The following CAMTA1 variants were observed in gnomAD, a reference collection of about 807,000 sequenced individuals.
The protein encoded by CAMTA1 is calmodulin binding transcription activator 1, also known as calmodulin-binding transcription activator 1.
CAMTA1 carries 27 observed loss-of-function variants against 170.9 expected under a neutral mutation model. That is an observed-to-expected ratio of 0.16 (90% confidence interval 0.12 to 0.22). The LOEUF (loss-of-function observed/expected upper bound fraction) is 0.22, where lower values mean the gene tolerates loss of function less well. Ranked by LOEUF, CAMTA1 falls within the 10% of genes least tolerant of loss-of-function variation. The pLI is 1.00. For missense variants in CAMTA1, 1,619 were observed against 2,217.2 expected, an observed-to-expected ratio of 0.73 and a Z score of 5.42; for synonymous variants, 833 against 891.5, an observed-to-expected ratio of 0.93 and a Z score of 1.17.
Position 7,499,904 on chromosome 1 carries a change from TGA to T in CAMTA1, c.510+32005_510+32006del, listed in dbSNP as rs774738207. On this transcript the variant is annotated intron_variant, in intron 6 of 22. Transcript: ENST00000303635. Reference sequence around the variant, plus strand: ...AGCCTGGTGTGCATGCTTATGTATATGAGTGTGTGTGTGCATGAGTGAGTGTG... The same window carrying T: ...AGCCTGGTGTGCATGCTTATGTATATGTGTGTGTGTGCATGAGTGAGTGTG... 2.8e-4 allele frequency among the ~76,000 whole-genome samples: 41 copies of T among 145,760 alleles called. 2 individuals carry two copies. The highest frequency in any genetic ancestry group is 4.8e-4 in the Non-Finnish European group (32 of 66,704).
At chr1:6,952,813 G>A (rs1571992464) in intron 3 of CAMTA1, among the ~76,000 whole-genome samples, 1 of 152,112 alleles carries the variant, frequency 6.6e-6, no homozygotes, top group African/African-American at 2.4e-5. Context: ...CAGCCTGGGC[G>A]ACAAAGCAAG....
intron 3 of CAMTA1, among the ~76,000 whole-genome samples, chr1:6,914,443 T>C (rs1249510242): frequency 6.6e-6 from 1 of 152,216 alleles, no homozygotes; most frequent in Non-Finnish European, 1.5e-5. Context: ...GCACTTGATA[T>C]ATTTAACAGA....
Position 7,682,563 on chromosome 1 carries a change from C to A in CAMTA1, c.2914+4830C>A, listed in dbSNP as rs1214941458. Among the ~76,000 whole-genome samples, 1 of 152,240 alleles carries A rather than the reference C, an allele frequency of 6.6e-6. No individual in the cohort carries two copies. Among genetic ancestry groups the A allele is most frequent in the Admixed American group, 6.5e-5 (1 of 15,290 alleles). The stretch of plus-strand genomic sequence containing the variant: ...CCTGTCCCTGGCATGTGGCTGTGGT[C>A]CTGCTGGCCTTTCCTTGTGGGCTGA... On this transcript the variant is annotated intron_variant, in intron 11 of 22. Transcript: ENST00000303635. This position sits in a 1 kb window ranked among gnomAD's most constrained non-coding sequence, Gnocchi z 5.0.
intron 6 of CAMTA1, among the ~76,000 whole-genome samples, chr1:7,488,114 C>T (rs1222546731): frequency 2.6e-5 from 4 of 152,326 alleles, no homozygotes. Flanking sequence ...TCTCTAGAAT[C>T]TCTCTAAAAT....
At chr1:6,833,935 C>G (rs1310503857) in intron 3 of CAMTA1, among the ~76,000 whole-genome samples, 1 of 152,204 alleles carries the variant, frequency 6.6e-6, no homozygotes, top group Non-Finnish European at 1.5e-5. Context: ...GGGTGCAGAG[C>G]TGGTGTCAGA....
intron 4 of CAMTA1, among the ~76,000 whole-genome samples, chr1:7,177,831 A>T (rs1214237169): frequency 6.6e-6 from 1 of 150,554 alleles, no homozygotes; most frequent in Non-Finnish European, 1.5e-5. Context: ...CTTGCCACAC[A>T]CAGAGGCTCC....
chr1:7,257,316 C>T (rs1268989235), intron 5 of CAMTA1, among the ~76,000 whole-genome samples: 1 of 152,198 alleles, frequency 6.6e-6, no homozygotes, highest in African/African-American at 2.4e-5. Context: ...ATTTCATCCA[C>T]GGTCTGCAAG....
rs1210515129 is a variant in CAMTA1 at position 7,041,279 on chromosome 1, C to T, written c.235-50025C>T. ...CTTCTCGGCTTCCTCTGCAGAGGGGCTCAGAGCCAGTCCAGTCAGACCTGC... is the reference window on the plus strand; with the variant it reads ...CTTCTCGGCTTCCTCTGCAGAGGGGTTCAGAGCCAGTCCAGTCAGACCTGC... On this transcript the variant is annotated intron_variant, in intron 3 of 22. Coordinates refer to ENST00000303635, the MANE Select transcript of CAMTA1 (RefSeq NM_015215.4). This position sits in a 1 kb window ranked among gnomAD's most constrained non-coding sequence, Gnocchi z 5.1. Among the ~76,000 whole-genome samples the T allele has an allele frequency of 6.6e-6, 1 of 152,218 alleles. No homozygotes were observed. The highest frequency in any genetic ancestry group is 1.5e-5 in the Non-Finnish European group (1 of 68,036).
chr1:6,793,062 C>G (rs1056734011), intron 1 of CAMTA1, among the ~76,000 whole-genome samples: 1 of 151,470 alleles, frequency 6.6e-6, no homozygotes, highest in Non-Finnish European at 1.5e-5. Context: ...ATATATATAC[C>G]CCACTCTTAT....
intron 3 of CAMTA1, among the ~76,000 whole-genome samples, chr1:6,852,185 C>T (rs972244827): frequency 1.3e-5 from 2 of 152,064 alleles, no homozygotes; most frequent in Non-Finnish European, 2.9e-5. Context: ...GAATGTTATA[C>T]CCTTCAAAAG....
At chr1:6,823,933 TTAGAGA>T (rs750017273) in intron 2 of CAMTA1, among the ~76,000 whole-genome samples, 3 of 152,150 alleles carry the variant, frequency 2.0e-5, no homozygotes, top group Non-Finnish European at 4.4e-5. Flanking sequence ...TGGAGAAGAA[TTAGAGA>T]TAATCTAATC....
At chr1:7,398,738 C>T (rs994770706) in intron 5 of CAMTA1, among the ~76,000 whole-genome samples, 1 of 151,560 alleles carries the variant, frequency 6.6e-6, no homozygotes, top group Non-Finnish European at 1.5e-5. Context: ...TATTGTTTAC[C>T]TTTGAGGTTT....
chr1:7,308,190 A>C (rs1227173697), intron 5 of CAMTA1, among the ~76,000 whole-genome samples: 1 of 151,722 alleles, frequency 6.6e-6, no homozygotes, highest in African/African-American at 2.4e-5. Flanking sequence ...ATGTCTGTGG[A>C]GTCTAATATC....
At chr1:6,926,436 T>TC (rs879424952) in intron 3 of CAMTA1, among the ~76,000 whole-genome samples, 199 of 109,264 alleles carry the variant, frequency 1.8e-3, no homozygotes, top group Middle Eastern at 0.012. Flanking sequence ...TTTCTTTCTT[T>TC]TCTCTTTCTT....
intron 5 of CAMTA1, among the ~76,000 whole-genome samples, chr1:7,427,796 A>G (rs1474634665): frequency 6.6e-6 from 1 of 152,082 alleles, no homozygotes; most frequent in Non-Finnish European, 1.5e-5. Context: ...TCTGGGGGAG[A>G]GTGGGTTACC....
intron 3 of CAMTA1, among the ~76,000 whole-genome samples, chr1:6,855,618 A>C (rs1662035543): frequency 6.6e-6 from 1 of 152,112 alleles, no homozygotes; most frequent in South Asian, 2.1e-4. Context: ...CCCCACCTCC[A>C]GCACTGGAGA....
intron 6 of CAMTA1, among the ~76,000 whole-genome samples, chr1:7,498,195 T>C (rs9662968): frequency 9.9e-6 from 1 of 101,210 alleles, no homozygotes; most frequent in Non-Finnish European, 2.1e-5. Context: ...AGAGTGAGTG[T>C]GTGTGTGTGT....
intron 3 of CAMTA1, among the ~76,000 whole-genome samples, chr1:6,889,171 C>A (rs1054362961): frequency 6.6e-5 from 10 of 152,132 alleles, no homozygotes; most frequent in African/African-American, 2.4e-4. Flanking sequence ...TTTTTACATA[C>A]CACAAAGCAA....
intron 6 of CAMTA1, among the ~76,000 whole-genome samples, chr1:7,544,863 G>T (rs542744225): frequency 6.6e-6 from 1 of 152,234 alleles, no homozygotes; most frequent in South Asian, 2.1e-4. Context: ...TTAACAACTC[G>T]CTTTCTCCGG....
Sources: allele counts gnomAD v4.1 joint callset (sites outside exome capture counted in the v4.1 genomes callset), GRCh38; gene constraint gnomAD v4.1.1; non-coding constraint Gnocchi (gnomAD v3.1); transcripts MANE v1.5; gene names NCBI Gene and HGNC (gene_info 2026-07-23, HGNC 2026-07-21).